The following UBE2E2 variants were observed in gnomAD, a reference collection of about 807,000 sequenced individuals.
UBE2E2 encodes the protein ubiquitin conjugating enzyme E2 E2, also known as ubiquitin-conjugating enzyme E2 E2.
Under a neutral mutation model 24.7 loss-of-function variants are expected in UBE2E2, and 6 were observed. That is an observed-to-expected ratio of 0.24 (90% CI 0.13 to 0.48). The LOEUF is 0.48. Among genes scored for constraint, UBE2E2 ranks in the 20% least tolerant of loss-of-function variants. UBE2E2 has a pLI of 0.99. For missense variants in UBE2E2, 169 were observed against 245.0 expected (o/e 0.69, Z 2.07); for synonymous variants, 104 against 83.6 (o/e 1.24, Z -1.33).
At chr3:23,308,842 G>A (rs1270500370) in intron 3 of UBE2E2, among the ~76,000 whole-genome samples, 1 of 152,124 alleles carries the variant, frequency 6.6e-6, no homozygotes, top group Non-Finnish European at 1.5e-5. Flanking sequence ...CTCAAAACCG[G>A]GTAAGCTGAC....
chr3:23,279,800 C>T (rs926223650), intron 3 of UBE2E2, among the ~76,000 whole-genome samples: 7 of 152,324 alleles, frequency 4.6e-5, no homozygotes, highest in Middle Eastern at 3.4e-3. Flanking sequence ...TTCTGCTTAA[C>T]TGCAGGAAGA....
At chr3:23,293,623 GGCTTATTAGAAAA>G (rs536444347) in intron 3 of UBE2E2, among the ~76,000 whole-genome samples, 5 of 152,068 alleles carry the variant, frequency 3.3e-5, no homozygotes, top group Non-Finnish European at 5.9e-5. Context: ...TTCTCCCTAT[GGCTTATTAGAAAA>G]AGATTGAATG....
intron 5 of UBE2E2, among the ~76,000 whole-genome samples, chr3:23,588,156 C>G (rs1293412450): frequency 6.6e-6 from 1 of 152,124 alleles, no homozygotes; most frequent in Non-Finnish European, 1.5e-5. Context: ...GGGCCACAGA[C>G]GTAGTTCCAT....
At chr3:23,213,344 A>G (rs977869424) in intron 2 of UBE2E2, among the ~76,000 whole-genome samples, 3 of 151,918 alleles carry the variant, frequency 2.0e-5, no homozygotes, top group Non-Finnish European at 4.4e-5. Flanking sequence ...TGTTCTGTAT[A>G]ATTTTGGTAC....
At chr3:23,377,141 T>G (rs1696544623) in intron 3 of UBE2E2, among the ~76,000 whole-genome samples, 1 of 152,192 alleles carries the variant, frequency 6.6e-6, no homozygotes, top group Non-Finnish European at 1.5e-5. Context: ...GTCCGTGTTC[T>G]GTTTCTGACC....
chr3:23,353,006 T>C (rs1339169406), intron 3 of UBE2E2, among the ~76,000 whole-genome samples: 6 of 152,100 alleles, frequency 3.9e-5, no homozygotes, highest in South Asian at 2.1e-4. Context: ...GCAAACCGAA[T>C]CCAGCAGCAC....
intron 3 of UBE2E2, among the ~76,000 whole-genome samples, chr3:23,217,651 G>A (rs1696513892): frequency 6.6e-6 from 1 of 151,914 alleles, no homozygotes; most frequent in Non-Finnish European, 1.5e-5. Context: ...ATAATAGCAT[G>A]GCTAAAATAT....
chr3:23,222,077 A>G (rs1696665709), intron 3 of UBE2E2, among the ~76,000 whole-genome samples: 1 of 152,012 alleles, frequency 6.6e-6, no homozygotes, highest in Non-Finnish European at 1.5e-5. Context: ...TTTAGCTCTC[A>G]TGTAAGAGTG....
intron 3 of UBE2E2, among the ~76,000 whole-genome samples, chr3:23,485,876 C>T (rs1441254613): frequency 1.3e-5 from 2 of 152,184 alleles, no homozygotes; most frequent in African/African-American, 4.8e-5. Flanking sequence ...TAAAGAGAAA[C>T]TCTTACTGTT....
At position 23,236,909 on chromosome 3, in the gene UBE2E2, T is replaced by G; in HGVS notation, c.227+19597T>G. On this transcript the variant is annotated intron_variant, in intron 3 of 5. Coordinates refer to ENST00000396703, the MANE Select transcript of UBE2E2 (RefSeq NM_152653.4). ...ATGTGCACCAGCATGGTCCTTTGTC[T>G]CTCTCTTTCATTTGCTCTTCAAGGC... 1.3e-5 allele frequency among the ~76,000 whole-genome samples: 2 copies of G among 152,170 alleles called. 1 individual carries two copies. The highest frequency in any genetic ancestry group is 2.9e-5 in the Non-Finnish European group (2 of 68,018).
intron 3 of UBE2E2, among the ~76,000 whole-genome samples, chr3:23,406,658 T>G (rs1697362671): frequency 6.6e-6 from 1 of 152,204 alleles, no homozygotes; most frequent in African/African-American, 2.4e-5. Context: ...AAAATGGGTT[T>G]TCTAAAAGAT....
At chr3:23,524,198 A>G (rs939088746) in intron 4 of UBE2E2, among the ~76,000 whole-genome samples, 2 of 152,186 alleles carry the variant, frequency 1.3e-5, no homozygotes, top group Non-Finnish European at 2.9e-5. Context: ...TATGTTTAGA[A>G]TCAGTTTGTC....
At chr3:23,293,895 T>C (rs1010147357) in intron 3 of UBE2E2, among the ~76,000 whole-genome samples, 2 of 152,186 alleles carry the variant, frequency 1.3e-5, no homozygotes, top group African/African-American at 4.8e-5. Context: ...TCGAGAGGAT[T>C]CCTCAAGCCC....
intron 3 of UBE2E2, among the ~76,000 whole-genome samples, chr3:23,462,489 C>T (rs1008473475): frequency 6.6e-6 from 1 of 152,150 alleles, no homozygotes; most frequent in Non-Finnish European, 1.5e-5. Context: ...CAGCTTTTCA[C>T]ATCTTTGCTA....
At chr3:23,266,567 C>G (rs546100019) in intron 3 of UBE2E2, among the ~76,000 whole-genome samples, 2 of 151,922 alleles carry the variant, frequency 1.3e-5, no homozygotes, top group Non-Finnish European at 2.9e-5. Context: ...CTCTGGCTGC[C>G]CTTAACATTT....
chr3:23,243,411 T>A (rs534032566), intron 3 of UBE2E2, among the ~76,000 whole-genome samples: 1 of 152,174 alleles, frequency 6.6e-6, no homozygotes, highest in Admixed American at 6.5e-5. Flanking sequence ...AGCCTCAGTG[T>A]TCCCCTCAGA....
At chr3:23,485,735 G>T (rs1251956103) in intron 3 of UBE2E2, among the ~76,000 whole-genome samples, 1 of 152,142 alleles carries the variant, frequency 6.6e-6, no homozygotes, top group Non-Finnish European at 1.5e-5. Flanking sequence ...AAGAATGGTG[G>T]GACTTATCAG....
intron 3 of UBE2E2, among the ~76,000 whole-genome samples, chr3:23,287,501 G>A (rs1698648215): frequency 6.6e-6 from 1 of 151,980 alleles, no homozygotes; most frequent in South Asian, 2.1e-4. Context: ...AGGATTGATA[G>A]TAATTCTTTA....
At chr3:23,561,849 T>G (rs947418033) in intron 5 of UBE2E2, among the ~76,000 whole-genome samples, 2 of 152,160 alleles carry the variant, frequency 1.3e-5, no homozygotes, top group African/African-American at 4.8e-5. Context: ...GAATGGGAGT[T>G]CACTCATGAT....
Sources: allele counts gnomAD v4.1 joint callset (sites outside exome capture counted in the v4.1 genomes callset), GRCh38; gene constraint gnomAD v4.1.1; transcripts MANE v1.5; gene names NCBI Gene and HGNC (gene_info 2026-07-23, HGNC 2026-07-21).